Variants in PREX1 observed in about 807,000 individuals in gnomAD.
PREX1 encodes phosphatidylinositol-3,4,5-trisphosphate dependent Rac exchange factor 1.
Under a neutral mutation model 198.3 loss-of-function variants are expected in PREX1, and 41 were observed. That is an observed-to-expected ratio of 0.21 (90% confidence interval 0.16 to 0.27). The LOEUF (loss-of-function observed/expected upper bound fraction) is 0.27. PREX1 is among the 10% of genes least tolerant of loss of function. PREX1 has a pLI of 1.00. For missense variants in PREX1, 1,620 were observed against 2,200.7 expected (o/e 0.74, Z 5.28); for synonymous variants, 843 against 887.2 (o/e 0.95, Z 0.89).
intron 11 of PREX1, among the ~76,000 whole-genome samples, chr20:48,680,259 A>T (rs899407667): frequency 6.6e-6 from 1 of 151,526 alleles, no homozygotes; most frequent in Non-Finnish European, 1.5e-5. Context: ...CAATCACCTC[A>T]CTCCTACACT....
the PREX1 span, among the ~76,000 whole-genome samples, chr20:48,850,155 C>T: frequency 1.3e-5 from 2 of 152,210 alleles, no homozygotes; most frequent in African/African-American, 4.8e-5. Context: ...GGGTGTTTGC[C>T]TCTAAGGAAC....
chr20:48,827,635 C>A lies in PREX1; in HGVS notation c.219+7G>T. ...AAGCTGTCCCCAAGCTCCCGAGCGA[C>A]ACTCACCGACTGCAAGAAGCGCAAG... On this transcript the variant is annotated splice_region_variant and intron_variant, in intron 1 of 39. Coordinates refer to ENST00000371941, the MANE Select transcript of PREX1 (RefSeq NM_020820.4). The surrounding 1 kb of genome is among the most constrained non-coding windows in gnomAD (Gnocchi z 4.1). 7.7e-7 allele frequency: 1 copy of A among 1,299,168 alleles called. No homozygotes were observed. The highest frequency in any genetic ancestry group is 9.9e-7 in the Non-Finnish European group (1 of 1,011,556). 80.5% of individuals were successfully genotyped at this position (1,299,168 alleles called of 1,614,324 possible).
intron 1 of PREX1, among the ~76,000 whole-genome samples, chr20:48,794,739 C>T (rs1364537996): frequency 6.6e-6 from 1 of 152,238 alleles, no homozygotes; most frequent in Non-Finnish European, 1.5e-5. Flanking sequence ...GGGGCCCCGG[C>T]TGCCTACAGT....
the PREX1 span, among the ~76,000 whole-genome samples, chr20:48,867,404 C>T: frequency 6.6e-6 from 1 of 152,234 alleles, no homozygotes; most frequent in South Asian, 2.1e-4. Context: ...CTTCGAGGGC[C>T]CCCCAGGGAA....
intron 1 of PREX1, among the ~76,000 whole-genome samples, chr20:48,766,234 C>T (rs940065660): frequency 1.3e-5 from 2 of 152,148 alleles, no homozygotes; most frequent in African/African-American, 4.8e-5. Flanking sequence ...CCTTCCCCAC[C>T]CCTAGGTCCG....
the PREX1 span, among the ~76,000 whole-genome samples, chr20:48,866,289 GA>G: frequency 2.0e-5 from 3 of 152,160 alleles, no homozygotes; most frequent in Admixed American, 1.3e-4. Flanking sequence ...ATCAAAATGA[GA>G]AGGAGCAGGT....
At position 48,827,974 on chromosome 20, in the gene PREX1, G is replaced by T. The variant is rs893434880; in HGVS notation, c.-114C>A. ...GGCGGGCCGGGCTCAGCGGCGGGCC[G>T]GGCTCCCGGCGCGGCGGGCGGGACT... On this transcript the variant is annotated 5_prime_UTR_variant, in exon 1 of 40. Transcript: ENST00000371941. The surrounding 1 kb of genome is among the most constrained non-coding windows in gnomAD (Gnocchi z 4.1). 22 of 291,216 alleles carry T rather than the reference G, an allele frequency of 7.6e-5. No individual in the cohort carries two copies. Among genetic ancestry groups the T allele is most frequent in the Admixed American group, 5.4e-4 (8 of 14,850 alleles). The allele number at this position is 291,216 out of a possible 1,614,324, so 18.0% of individuals were successfully genotyped here.
chr20:48,801,056 A>C (rs2090384511), intron 1 of PREX1, among the ~76,000 whole-genome samples: 3 of 152,174 alleles, frequency 2.0e-5, no homozygotes, highest in Admixed American at 2.0e-4. Flanking sequence ...TATCACCAGG[A>C]TAAAATGGGG....
the PREX1 span, among the ~76,000 whole-genome samples, chr20:48,883,622 G>C: frequency 6.6e-6 from 1 of 151,898 alleles, no homozygotes; most frequent in Non-Finnish European, 1.5e-5. Flanking sequence ...ATAAAATTAA[G>C]CAAACAATTC....
the PREX1 span, among the ~76,000 whole-genome samples, chr20:48,838,430 C>T: frequency 4.6e-5 from 7 of 152,094 alleles, no homozygotes; most frequent in African/African-American, 9.7e-5. Flanking sequence ...AACTTCGATG[C>T]GCAAAGATGT....
At chr20:48,701,188 G>A (rs2089871913) in intron 6 of PREX1, among the ~76,000 whole-genome samples, 1 of 151,950 alleles carries the variant, frequency 6.6e-6, no homozygotes, top group Non-Finnish European at 1.5e-5. Flanking sequence ...TCAACATCTG[G>A]GTATATTTTG....
At chr20:48,816,096 C>T (rs2090458150) in intron 1 of PREX1, among the ~76,000 whole-genome samples, 1 of 151,524 alleles carries the variant, frequency 6.6e-6, no homozygotes. Context: ...CCAGGTCTTA[C>T]CAGCGAGGAA....
intron 3 of PREX1, among the ~76,000 whole-genome samples, chr20:48,744,170 T>G (rs910816378): frequency 6.6e-6 from 1 of 152,156 alleles, no homozygotes; most frequent in Non-Finnish European, 1.5e-5. Context: ...TGGCCTCTAC[T>G]TACTAGAAAC....
At chr20:48,638,836 C>T (rs1360959016) in intron 30 of PREX1, among the ~76,000 whole-genome samples, 1 of 152,216 alleles carries the variant, frequency 6.6e-6, no homozygotes, top group African/African-American at 2.4e-5. Context: ...AGGCCAGAGG[C>T]GTCAAGGAAC....
chr20:48,630,090 C>T (rs761554476), intron 36 of PREX1, among the ~76,000 whole-genome samples: 4 of 152,160 alleles, frequency 2.6e-5, no homozygotes, highest in South Asian at 2.1e-4. Context: ...AAGTCCCAAA[C>T]GGCTGTGCCC....
the PREX1 span, among the ~76,000 whole-genome samples, chr20:48,868,150 A>C: frequency 6.6e-6 from 1 of 152,216 alleles, no homozygotes; most frequent in Non-Finnish European, 1.5e-5. Context: ...AACAGTGAAC[A>C]AAGTGATAAA....
chr20:48,658,129 G>A lies in PREX1; in HGVS notation c.1974+7C>T. On this transcript the variant is annotated splice_region_variant and intron_variant, in intron 17 of 39. Coordinates refer to ENST00000371941, the MANE Select transcript of PREX1 (RefSeq NM_020820.4). ...ACGGTCCCTGCCAGCTCCCCCGAGG[G>A]CCTCACCTCAGCCAGCGAGCCCCTC... 6.2e-7 allele frequency: 1 copy of A among 1,612,122 alleles called. No homozygotes were observed. The highest frequency in any genetic ancestry group is 1.3e-5 in the African/African-American group (1 of 74,998).
chr20:48,672,334 A>T (rs1229895308), intron 14 of PREX1, among the ~76,000 whole-genome samples: 1 of 152,098 alleles, frequency 6.6e-6, no homozygotes, highest in African/African-American at 2.4e-5. Flanking sequence ...CCTTCAAAAC[A>T]TCCAGAATCT....
At chr20:48,780,818 G>T (rs1288335035) in intron 1 of PREX1, among the ~76,000 whole-genome samples, 1 of 152,122 alleles carries the variant, frequency 6.6e-6, no homozygotes, top group Non-Finnish European at 1.5e-5. Context: ...CAGTCTCAAA[G>T]AATCTCCCCC....
Sources: allele counts gnomAD v4.1 joint callset (sites outside exome capture counted in the v4.1 genomes callset), GRCh38; gene constraint gnomAD v4.1.1; non-coding constraint Gnocchi (gnomAD v3.1); transcripts MANE v1.5; gene names NCBI Gene and HGNC (gene_info 2026-07-23, HGNC 2026-07-21).